Variants in CHLSN observed in about 807,000 individuals in gnomAD.
CHLSN encodes the protein protein cholesin.
the CHLSN span, among the ~76,000 whole-genome samples, chr7:1,072,917 C>G: frequency 6.6e-6 from 1 of 152,100 alleles, no homozygotes; most frequent in Non-Finnish European, 1.5e-5. Flanking sequence ...CTCCTGGCCT[C>G]AAGTGAGCCA....
chr7:1,021,881 A>T, the CHLSN span, among the ~76,000 whole-genome samples: 5 of 152,210 alleles, frequency 3.3e-5, no homozygotes, highest in African/African-American at 1.2e-4. Flanking sequence ...TTTGGGGTAT[A>T]AACTGAGTCC....
At chr7:1,093,493 C>T in the CHLSN span, 1 of 470,406 alleles carries the variant, frequency 2.1e-6, no homozygotes, top group South Asian at 1.5e-5. Flanking sequence ...CGAGGAGCAG[C>T]AGCGCTCGGC....
chr7:1,104,188 C>T, the CHLSN span, among the ~76,000 whole-genome samples: 1 of 152,244 alleles, frequency 6.6e-6, no homozygotes, highest in Admixed American at 6.5e-5. Context: ...GCCACAAAGG[C>T]TCTGGAGAAG....
the CHLSN span, among the ~76,000 whole-genome samples, chr7:1,107,375 C>G: frequency 6.6e-6 from 1 of 152,108 alleles, no homozygotes; most frequent in Non-Finnish European, 1.5e-5. Flanking sequence ...TACCAAGAAC[C>G]CACTACACAG....
the CHLSN span, among the ~76,000 whole-genome samples, chr7:1,016,764 CACAGCGCACA>C: frequency 7.8e-3 from 652 of 83,172 alleles, 93 homozygotes; most frequent in African/African-American, 0.046. Flanking sequence ...CACGCCAGCG[CACAGCGCACA>C]GCAGCGCACA....
chr7:1,080,608 C>T, the CHLSN span, among the ~76,000 whole-genome samples: 1 of 152,262 alleles, frequency 6.6e-6, no homozygotes, highest in Admixed American at 6.5e-5. Flanking sequence ...CACCGTGCTT[C>T]CACGACTAGA....
the CHLSN span, among the ~76,000 whole-genome samples, chr7:1,042,534 G>A: frequency 3.3e-5 from 5 of 152,190 alleles, no homozygotes; most frequent in Non-Finnish European, 1.5e-5. Context: ...TCAGGTGGAG[G>A]GTGGTTCCCT....
chr7:1,127,233 C>A, the CHLSN span: 1 of 1,580,372 alleles, frequency 6.3e-7, no homozygotes. Context: ...GAGGGCAGGG[C>A]CAGTGAAGCA....
the CHLSN span, among the ~76,000 whole-genome samples, chr7:1,033,333 G>A: frequency 5.9e-5 from 9 of 152,220 alleles, no homozygotes; most frequent in South Asian, 1.4e-3. Context: ...TGAGGCGGGC[G>A]GATCACCTGA....
the CHLSN span, among the ~76,000 whole-genome samples, chr7:1,129,987 C>T: frequency 6.6e-5 from 10 of 152,168 alleles, no homozygotes; most frequent in Admixed American, 3.3e-4. Flanking sequence ...ACTAGCAAAG[C>T]TGTGGCACCA....
chr7:1,096,328 G>A, the CHLSN span, among the ~76,000 whole-genome samples: 1 of 152,168 alleles, frequency 6.6e-6, no homozygotes, highest in Admixed American at 6.5e-5. The surrounding 1 kb of genome is among the most constrained non-coding windows in gnomAD (Gnocchi z 4.6). Flanking sequence ...CGAGCGACAG[G>A]CACCCAGCAG....
At chr7:1,093,299 A>T in the CHLSN span, 1 of 428,614 alleles carries the variant, frequency 2.3e-6, no homozygotes, top group South Asian at 1.8e-5. Flanking sequence ...CTGACGCTGG[A>T]GATGCAAGGT....
chr7:1,136,341 CATATAAATATATATAAACATAT>C, the CHLSN span, among the ~76,000 whole-genome samples: 4 of 78,274 alleles, frequency 5.1e-5, no homozygotes, highest in Non-Finnish European at 8.5e-5. Context: ...AATATATAAA[CATATAAATATATATAAACATAT>C]ATATAAATAT....
chr7:1,058,593 C>A, the CHLSN span: 4 of 664,856 alleles, frequency 6.0e-6, no homozygotes, highest in South Asian at 7.0e-5. Flanking sequence ...TCCCCACATC[C>A]TTCCAGAAGG....
At chr7:1,092,242 C>T in the CHLSN span, 3 of 1,612,450 alleles carry the variant, frequency 1.9e-6, no homozygotes, top group Non-Finnish European at 2.5e-6. Flanking sequence ...CCGCACCAAG[C>T]ACCACGCCCG....
At chr7:1,118,864 TAA>T in the CHLSN span, among the ~76,000 whole-genome samples, 4 of 148,080 alleles carry the variant, frequency 2.7e-5, no homozygotes, top group African/African-American at 7.6e-5. Flanking sequence ...TATTTTTTTT[TAA>T]AAAAACTAAA....
chr7:1,070,759 A>G, the CHLSN span, among the ~76,000 whole-genome samples: 17 of 149,698 alleles, frequency 1.1e-4, no homozygotes, highest in East Asian at 1.4e-3. Flanking sequence ...ACGCACGCAG[A>G]CATACACATG....
chr7:1,075,240 G>C, the CHLSN span, among the ~76,000 whole-genome samples: 2 of 152,266 alleles, frequency 1.3e-5, no homozygotes, highest in African/African-American at 4.8e-5. Flanking sequence ...TAGGCCAGGG[G>C]CGGTGGCTCA....
chr7:1,116,924 G>C, the CHLSN span, among the ~76,000 whole-genome samples: 1 of 26,628 alleles, frequency 3.8e-5, no homozygotes. Context: ...TGCAGTTCTA[G>C]GACCGGCTTC....
Sources: allele counts gnomAD v4.1 joint callset (sites outside exome capture counted in the v4.1 genomes callset), GRCh38; gene constraint gnomAD v4.1.1; non-coding constraint Gnocchi (gnomAD v3.1); transcripts MANE v1.5; gene names NCBI Gene and HGNC (gene_info 2026-07-23, HGNC 2026-07-21).